Variants in LIMK2 observed in about 807,000 individuals in gnomAD.
LIMK2 encodes LIM domain kinase 2.
Under a neutral mutation model 75.7 loss-of-function variants are expected in LIMK2, and 35 were observed. That is an observed-to-expected ratio of 0.46 (90% CI 0.35 to 0.61). LIMK2 has a LOEUF of 0.61. LIMK2 is among the 20% of genes least tolerant of loss of function. LIMK2 has a pLI of 0.00. For missense variants in LIMK2, 623 were observed against 831.0 expected, an observed-to-expected ratio of 0.75 and a Z score of 3.08; for synonymous variants, 301 against 319.2, an observed-to-expected ratio of 0.94 and a Z score of 0.61.
intron 8 of LIMK2, among the ~76,000 whole-genome samples, chr22:31,266,427 G>A (rs546693050): frequency 3.3e-5 from 5 of 152,178 alleles, no homozygotes; most frequent in Admixed American, 2.0e-4. Flanking sequence ...CCTCAGTACC[G>A]GGCATGCTAC....
At chr22:31,247,187 A>C (rs1359039228) in intron 2 of LIMK2, among the ~76,000 whole-genome samples, 1 of 151,978 alleles carries the variant, frequency 6.6e-6, no homozygotes, top group East Asian at 1.9e-4. Context: ...AGCTGATGTC[A>C]CTGCCCCAAA....
chr22:31,278,402 G>A lies in LIMK2; in HGVS notation c.1878G>A (p.Val626=), dbSNP rs574566555. 1.2e-6 allele frequency: 2 copies of A among 1,613,766 alleles called. No individual in the cohort carries two copies. The highest frequency in any genetic ancestry group is 2.2e-5 in the South Asian group (2 of 91,072). ...AGCTGGAGGAGTTGGACCACACTGT[G>A]AGCATGCAGTACGGCCTGACCCGGG... ...PAELEELDHT[V]SMQYGLTRDS... is the part of the protein sequence containing the mutation. Residue 626 remains valine (V), a synonymous_variant, in exon 16 of 16, where the codon GTG becomes GTA. Coordinates refer to ENST00000331728, the MANE Select transcript of LIMK2 (RefSeq NM_005569.4).
At chr22:31,212,975 C>T (rs2048360467) in intron 1 of LIMK2, among the ~76,000 whole-genome samples, 2 of 152,108 alleles carry the variant, frequency 1.3e-5, no homozygotes, top group Non-Finnish European at 2.9e-5. Context: ...TCCCCCGGGG[C>T]TGGGAGCTCT....
chr22:31,277,650 C>A, intron 15 of LIMK2: 1 of 667,070 alleles, frequency 1.5e-6, no homozygotes, highest in South Asian at 6.6e-5. Context: ...TGAATGCCTA[C>A]TGTGTGCTAG....
chr22:31,215,211 C>G (rs1376749688), intron 1 of LIMK2, among the ~76,000 whole-genome samples: 1 of 152,190 alleles, frequency 6.6e-6, no homozygotes, highest in Non-Finnish European at 1.5e-5. Flanking sequence ...AGTGCTTCCT[C>G]CTCTCTGTAG....
chr22:31,276,970 G>A (rs1394779071), intron 15 of LIMK2: 1 of 1,613,992 alleles, frequency 6.2e-7, no homozygotes, highest in Non-Finnish European at 8.5e-7. Context: ...GGAGATCTCA[G>A]AACTAGAGAT....
rs1181117666 is a variant in LIMK2, at chr22:31,279,550, G to A, written c.*1109G>A. ...GGGCCATCTGACTTCTACCTCCCATGTTTGCTCTCCCAACTCATTAGCTCC... is the reference window on the plus strand; with the variant it reads ...GGGCCATCTGACTTCTACCTCCCATATTTGCTCTCCCAACTCATTAGCTCC... On this transcript the variant is annotated 3_prime_UTR_variant, in exon 16 of 16. Transcript: ENST00000331728. The A allele has an allele frequency of 1.3e-5, 2 of 152,202 alleles. No individual in the cohort carries two copies. The highest frequency in any genetic ancestry group is 2.9e-5 in the Non-Finnish European group (2 of 68,054). 9.4% of individuals were successfully genotyped at this position (152,202 alleles called of 1,614,324 possible).
intron 7 of LIMK2, among the ~76,000 whole-genome samples, chr22:31,265,044 A>C (rs553127469): frequency 1.7e-4 from 26 of 150,778 alleles, no homozygotes; most frequent in African/African-American, 5.6e-4. Context: ...AAATACAAAA[A>C]TTATTCGGTT....
intron 1 of LIMK2, among the ~76,000 whole-genome samples, chr22:31,222,357 C>T (rs893817871): frequency 2.7e-5 from 4 of 149,728 alleles, no homozygotes; most frequent in Admixed American, 1.3e-4. Context: ...AGGCATGAGC[C>T]ACCGTGCCCA....
chr22:31,215,678 T>C (rs1012139911), intron 1 of LIMK2, among the ~76,000 whole-genome samples: 10 of 152,176 alleles, frequency 6.6e-5, no homozygotes, highest in African/African-American at 2.4e-4. Context: ...TTTGTGCCTC[T>C]GAGAAACTTA....
Position 31,280,054 on chromosome 22 carries a change from AAATT to A in LIMK2, c.*1616_*1619del. 1 of 152,414 alleles carries A rather than the reference AAATT, an allele frequency of 6.6e-6. No homozygotes were observed. The highest frequency in any genetic ancestry group is 2.4e-5 in the African/African-American group (1 of 41,566). 9.4% of individuals were successfully genotyped at this position (152,414 alleles called of 1,614,324 possible). A position where few individuals can be genotyped will look rare whatever the true frequency, so the allele number is the denominator to read the frequency against. On this transcript the variant is annotated 3_prime_UTR_variant, in exon 16 of 16. Transcript: ENST00000331728. Reference sequence around the variant, plus strand: ...AACTGGGCCATTGATCAGACTAAATAAATTAAGCAGTTAACATAACTGGCAATAT... The same window carrying A: ...AACTGGGCCATTGATCAGACTAAATAAAGCAGTTAACATAACTGGCAATAT...
chr22:31,239,872 C>CTCTACAATCTA lies in LIMK2; in HGVS notation c.116+14053_116+14054insTCTACAATCTA, dbSNP rs61074920. Among the ~76,000 whole-genome samples, 1,091 of 152,236 alleles carry CTCTACAATCTA rather than the reference C, an allele frequency of 7.2e-3. 10 individuals carry two copies. The highest frequency in any genetic ancestry group is 0.025 in the African/African-American group (1,056 of 41,522). ...AAAGTCCATCCAGTATGCACCATTA[C>CTCTACAATCTA]CATCTCTTCGCTCTACAATATTCTT... On this transcript the variant is annotated intron_variant, in intron 2 of 15. Transcript: ENST00000331728.
intron 2 of LIMK2, among the ~76,000 whole-genome samples, chr22:31,233,278 A>G (rs2048544126): frequency 1.3e-5 from 2 of 152,190 alleles, no homozygotes; most frequent in Admixed American, 6.5e-5. Flanking sequence ...ATTAAATTCA[A>G]TCATGTATTC....
intron 2 of LIMK2, among the ~76,000 whole-genome samples, chr22:31,229,041 T>C (rs1434220432): frequency 6.6e-6 from 1 of 152,190 alleles, no homozygotes; most frequent in Non-Finnish European, 1.5e-5. Flanking sequence ...CCTATATGTA[T>C]ACATTTCTCT....
intron 2 of LIMK2, among the ~76,000 whole-genome samples, chr22:31,246,183 G>GCACGCACGCACACACACACACACACA (rs1555886279): frequency 1.5e-5 from 2 of 134,994 alleles, no homozygotes; most frequent in Admixed American, 1.5e-4. Context: ...ACGCACGCAC[G>GCACGCACGCACACACACACACACACA]CACACACACA....
intron 1 of LIMK2, among the ~76,000 whole-genome samples, chr22:31,223,406 T>A (rs1227499062): frequency 6.6e-6 from 1 of 152,072 alleles, no homozygotes; most frequent in East Asian, 1.9e-4. Flanking sequence ...AGCCAAGAGA[T>A]TGAATTGTTG....
intron 15 of LIMK2, chr22:31,277,512 C>T (rs2049043604): frequency 5.3e-5 from 55 of 1,028,356 alleles, no homozygotes; most frequent in Middle Eastern, 4.9e-4. Context: ...GGCCAAGGAC[C>T]GCAGTCCTTC....
intron 2 of LIMK2, among the ~76,000 whole-genome samples, chr22:31,257,040 A>T (rs1252873670): frequency 1.3e-5 from 1 of 75,054 alleles, no homozygotes; most frequent in African/African-American, 3.7e-5. Context: ...GGAGCTATAG[A>T]TTTTTTTTTT....
intron 4 of LIMK2, among the ~76,000 whole-genome samples, chr22:31,259,527 C>A (rs2123836280): frequency 6.6e-6 from 1 of 152,230 alleles, no homozygotes; most frequent in Middle Eastern, 3.4e-3. Flanking sequence ...TAGAGCTCAC[C>A]CTGTCCAACC....
Sources: allele counts gnomAD v4.1 joint callset (sites outside exome capture counted in the v4.1 genomes callset), GRCh38; gene constraint gnomAD v4.1.1; transcripts MANE v1.5; gene names NCBI Gene and HGNC (gene_info 2026-07-23, HGNC 2026-07-21).